SLC4A5: variants seen among roughly 807,000 people sequenced by gnomAD.
SLC4A5 encodes the protein solute carrier family 4 member 5.
Under a neutral mutation model 120.4 loss-of-function variants are expected in SLC4A5, and 96 were observed. That is an observed-to-expected ratio of 0.80 (90% CI 0.68 to 0.94). The LOEUF is 0.94. Ranked by LOEUF, SLC4A5 falls within the 40% of genes least tolerant of loss-of-function variation. The pLI is 0.00. For missense variants in SLC4A5, 1,259 were observed against 1,459.5 expected (o/e 0.86, Z 2.24); for synonymous variants, 550 against 571.1 (o/e 0.96, Z 0.53).
At chr2:74,272,964 G>A (rs148865090) in intron 8 of SLC4A5, among the ~76,000 whole-genome samples, 5 of 152,196 alleles carry the variant, frequency 3.3e-5, no homozygotes, top group Admixed American at 6.5e-5. Context: ...TGGAAACTTC[G>A]TAACTCCCAC....
chr2:74,336,658 C>T (rs1673498343), intron 3 of SLC4A5, among the ~76,000 whole-genome samples: 1 of 152,214 alleles, frequency 6.6e-6, no homozygotes, highest in African/African-American at 2.4e-5. Context: ...CAAGTTCACA[C>T]AGCTGATAAC....
chr2:74,221,460 G>A (rs752383071), exon 30 of SLC4A5: 3 of 1,613,788 alleles, frequency 1.9e-6, no homozygotes, highest in Non-Finnish European at 2.5e-6. Context: ...TGTCACTGAA[G>A]GAAGAATCAG....
intron 5 of SLC4A5, among the ~76,000 whole-genome samples, chr2:74,320,784 T>C (rs1481640693): frequency 6.6e-6 from 1 of 152,048 alleles, no homozygotes; most frequent in Non-Finnish European, 1.5e-5. Flanking sequence ...AACAGGCACA[T>C]CTTAGAGCAG....
chr2:74,306,764 C>T, intron 6 of SLC4A5: 4 of 1,033,096 alleles, frequency 3.9e-6, no homozygotes, highest in Non-Finnish European at 5.6e-6. Flanking sequence ...TCTCAGACAC[C>T]ACTTTGCCAT....
chr2:74,328,958 C>G (rs951309533), intron 4 of SLC4A5, among the ~76,000 whole-genome samples: 1 of 151,990 alleles, frequency 6.6e-6, no homozygotes, highest in East Asian at 1.9e-4. Flanking sequence ...CAGGTGACAC[C>G]AAAAGCTAGA....
intron 14 of SLC4A5, 107 bp from the exon 15 acceptor site, chr2:74,253,235 C>G: frequency 7.6e-7 from 1 of 1,319,200 alleles, no homozygotes; most frequent in Non-Finnish European, 1.0e-6. Context: ...CCACATCTCC[C>G]ACTGCCAACT....
At chr2:74,229,455 C>G (rs1347911445) in intron 25 of SLC4A5, among the ~76,000 whole-genome samples, 1 of 151,596 alleles carries the variant, frequency 6.6e-6, no homozygotes, top group Non-Finnish European at 1.5e-5. Flanking sequence ...CGGGTTTCAC[C>G]ATGTTGGCCA....
chr2:74,340,010 G>C (rs2104359149), intron 2 of SLC4A5, among the ~76,000 whole-genome samples: 1 of 152,302 alleles, frequency 6.6e-6, no homozygotes, highest in East Asian at 1.9e-4. Flanking sequence ...ACAGAGAGTA[G>C]ATTAATGGCT....
At chr2:74,340,004 A>G (rs986782110) in intron 2 of SLC4A5, among the ~76,000 whole-genome samples, 4 of 152,226 alleles carry the variant, frequency 2.6e-5, no homozygotes, top group African/African-American at 9.6e-5. Flanking sequence ...ATAGATACAG[A>G]GAGTAGATTA....
chr2:74,322,821 G>T (rs1673128860), intron 5 of SLC4A5, among the ~76,000 whole-genome samples: 1 of 152,106 alleles, frequency 6.6e-6, no homozygotes, highest in Non-Finnish European at 1.5e-5. Flanking sequence ...TGAAATTTTA[G>T]AACAGTGACT....
At chr2:74,266,170 C>G (rs1045999676) in intron 8 of SLC4A5, among the ~76,000 whole-genome samples, 3 of 152,098 alleles carry the variant, frequency 2.0e-5, no homozygotes, top group Admixed American at 1.3e-4. Flanking sequence ...TAGAAACTTG[C>G]GGAGAAGCTT....
At chr2:74,279,622 A>T (rs1671747283) in intron 8 of SLC4A5, among the ~76,000 whole-genome samples, 1 of 151,834 alleles carries the variant, frequency 6.6e-6, no homozygotes, top group South Asian at 2.1e-4. Flanking sequence ...TCTCTACTGA[A>T]CTCCAGACAC....
chr2:74,249,730 G>A lies in SLC4A5; in HGVS notation c.1653+613C>T, dbSNP rs535810766. On this transcript the variant is annotated intron_variant, in intron 17 of 30. Coordinates refer to ENST00000394019, the Ensembl canonical transcript of SLC4A5. ...CTGTGTGAACTGGGGGATCCTGAGG[G>A]GCAGCCATGGGGAATCCTGAGGGGC... 2.5e-3 allele frequency among the ~76,000 whole-genome samples: 378 copies of A among 152,248 alleles called. 3 individuals are homozygous for A. Among genetic ancestry groups the A allele is most frequent in the African/African-American group, 8.6e-3 (359 of 41,536 alleles).
chr2:74,225,692 C>T (rs1694818097), intron 27 of SLC4A5, among the ~76,000 whole-genome samples: 1 of 152,174 alleles, frequency 6.6e-6, no homozygotes, highest in South Asian at 2.1e-4. Context: ...TCACTGGATT[C>T]CCCCAGTTTC....
At chr2:74,283,997 C>T (rs147107609) in intron 8 of SLC4A5, among the ~76,000 whole-genome samples, 90 of 151,990 alleles carry the variant, frequency 5.9e-4, no homozygotes, top group African/African-American at 2.1e-3. Flanking sequence ...GCCACCACGC[C>T]TAGCTAATTT....
chr2:74,273,046 CA>C (rs1483958900), intron 8 of SLC4A5, among the ~76,000 whole-genome samples: 1 of 152,198 alleles, frequency 6.6e-6, no homozygotes, highest in African/African-American at 2.4e-5. Flanking sequence ...GAGCTTTTTA[CA>C]AATTCTAAAA....
exon 31 of SLC4A5, chr2:74,217,152 T>G (rs754438708): frequency 6.6e-6 from 1 of 152,174 alleles, no homozygotes; most frequent in Non-Finnish European, 1.5e-5. Context: ...TCATTTTTCT[T>G]TAAAAAAGAA....
At chr2:74,342,074 T>C (rs957480982) in intron 2 of SLC4A5, among the ~76,000 whole-genome samples, 1 of 152,144 alleles carries the variant, frequency 6.6e-6, no homozygotes, top group Non-Finnish European at 1.5e-5. Flanking sequence ...CCTCTTAAGA[T>C]AGGGAAGTAG....
intron 29 of SLC4A5, 91 bp downstream of exon 29, chr2:74,222,777 T>C (rs1318180414): frequency 8.6e-7 from 1 of 1,168,554 alleles, no homozygotes; most frequent in Admixed American, 1.8e-5. Context: ...CCAAAATGAT[T>C]AGATCCCCCT....
Sources: allele counts gnomAD v4.1 joint callset (sites outside exome capture counted in the v4.1 genomes callset), GRCh38; gene constraint gnomAD v4.1.1; transcripts MANE v1.5; gene names NCBI Gene and HGNC (gene_info 2026-07-23, HGNC 2026-07-21).